DST: variants seen among roughly 807,000 people sequenced by gnomAD.
DST encodes the protein dystonin, also known as bullous pemphigoid antigen.
Under a neutral mutation model 875.2 loss-of-function variants are expected in DST, and 253 were observed. The observed-to-expected ratio is 0.29, with a 90% CI of 0.26 to 0.32. The LOEUF (loss-of-function observed/expected upper bound fraction) is 0.32. Ranked by LOEUF, DST falls within the 10% of genes least tolerant of loss-of-function variation. The pLI is 1.00. For synonymous variants in DST, 3,124 were observed against 3,197.1 expected (o/e 0.98, Z 0.77); for missense variants, 8,287 against 9,111.6 (o/e 0.91, Z 3.68).
At chr6:56,751,314 G>C (rs1427503160) in intron 4 of DST, among the ~76,000 whole-genome samples, 2 of 152,078 alleles carry the variant, frequency 1.3e-5, no homozygotes, top group Non-Finnish European at 2.9e-5. Context: ...AAAAATGCTT[G>C]GAAGTGCCTA....
At chr6:56,814,878 C>T (rs574498363) in intron 4 of DST, among the ~76,000 whole-genome samples, 120 of 152,268 alleles carry the variant, frequency 7.9e-4, no homozygotes, top group African/African-American at 2.8e-3. Context: ...GGTACTCCCA[C>T]CATGTTCCAA....
chr6:56,578,365 CCT>C (rs560935932), intron 50 of DST, among the ~76,000 whole-genome samples: 66 of 152,184 alleles, frequency 4.3e-4, no homozygotes, highest in Admixed American at 8.5e-4. Context: ...TAAAGTAACC[CCT>C]GTCTCTAAAA....
At chr6:56,629,188 T>A in intron 32 of DST, 62 bp downstream of exon 32, 1 of 1,524,320 alleles carries the variant, frequency 6.6e-7, no homozygotes, top group Non-Finnish European at 9.1e-7. Context: ...GTGTAGATTT[T>A]ACTCATTTAC....
chr6:56,602,740 A>G, intron 43 of DST, 142 bp downstream of exon 43: 2 of 575,914 alleles, frequency 3.5e-6, no homozygotes, highest in Non-Finnish European at 5.4e-6. Context: ...AGTTGTGTCA[A>G]CTATGAATAA....
At chr6:56,525,863 CT>C (rs1357060873) in intron 69 of DST, among the ~76,000 whole-genome samples, 3 of 152,152 alleles carry the variant, frequency 2.0e-5, no homozygotes, top group African/African-American at 4.8e-5. Flanking sequence ...AACCTATCAT[CT>C]TTTCCCCCCT....
At chr6:56,739,129 T>C in intron 4 of DST, among the ~76,000 whole-genome samples, 1 of 148,978 alleles carries the variant, frequency 6.7e-6, no homozygotes, top group Non-Finnish European at 1.5e-5. Context: ...AAAGCCTCTA[T>C]GCTGCAATGC....
chr6:56,698,329 A>ATT (rs70989725), intron 9 of DST, among the ~76,000 whole-genome samples: 1 of 144,134 alleles, frequency 6.9e-6, no homozygotes. Flanking sequence ...AAAAAAAAAA[A>ATT]TTTTTTTTTT....
At chr6:56,644,550 T>C (rs956971523) in intron 15 of DST, among the ~76,000 whole-genome samples, 1 of 152,132 alleles carries the variant, frequency 6.6e-6, no homozygotes, top group Non-Finnish European at 1.5e-5. Context: ...TTGGAGCTCA[T>C]ATCTGTGGAA....
intron 4 of DST, among the ~76,000 whole-genome samples, chr6:56,764,162 C>A (rs1183101393): frequency 1.3e-5 from 2 of 150,460 alleles, no homozygotes; most frequent in East Asian, 3.9e-4. Flanking sequence ...AGACATCAAC[C>A]CTGGTCTGAC....
intron 87 of DST, 139 bp downstream of exon 87, chr6:56,486,965 T>C: frequency 1.5e-6 from 1 of 677,270 alleles, no homozygotes; most frequent in Non-Finnish European, 2.4e-6. Context: ...GTGCTATGTG[T>C]GTGGGATACT....
At chr6:56,626,918 C>A (rs116345686) in intron 34 of DST, among the ~76,000 whole-genome samples, 1,880 of 151,992 alleles carry the variant, frequency 0.012, 31 homozygotes, top group African/African-American at 0.043. Context: ...AATACCCTAA[C>A]AATGTTAAAG....
chr6:56,759,576 AT>A (rs1313434136), intron 4 of DST, among the ~76,000 whole-genome samples: 4 of 152,144 alleles, frequency 2.6e-5, no homozygotes, highest in Non-Finnish European at 5.9e-5. Context: ...CTGCTGGCAT[AT>A]TTTTTTCCAT....
In DST at chr6:56,526,467, C is replaced by T. The variant is rs746414483; in HGVS notation, c.18023G>A (p.Gly6008Glu). ...GTCCTCAGCTACCATTTTCTCAAGT[C>T]CTTCTCTTGCCCTCCATGGTACCAG... is the stretch of plus-strand genomic sequence containing the variant. ...LELVPWRARE[G>E]LEKMVAEDNE... The change falls in exon 69 of 104, where the codon GGA becomes GAA. Residue 6008 changes from glycine to glutamate, a missense_variant. Gly to Glu is a moderately conservative substitution (Grantham distance 98, BLOSUM62 -2). This residue lies in a region of DST where 777 missense variants were observed against 764.8 expected (regional missense o/e 1.02). Transcript: ENST00000680361. The T allele has an allele frequency of 8.3e-5, 134 of 1,613,756 alleles. 2 individuals are homozygous for T. In the South Asian group the frequency reaches 1.3e-3, roughly 15 times the overall value.
intron 4 of DST, among the ~76,000 whole-genome samples, chr6:56,765,404 A>G (rs1357083432): frequency 6.6e-6 from 1 of 152,244 alleles, no homozygotes; most frequent in African/African-American, 2.4e-5. Flanking sequence ...TTCTAGAATC[A>G]TAAGAAGTCA....
Position 56,604,272 on chromosome 6 carries a change from A to T in DST, c.10356T>A (p.Asp3452Glu). 1 of 1,611,886 alleles carries T rather than the reference A, an allele frequency of 6.2e-7. No homozygotes were observed. Among genetic ancestry groups the T allele is most frequent in the Non-Finnish European group, 8.5e-7 (1 of 1,178,880 alleles). Residue 3452 changes from aspartate (D) to glutamate (E), a missense_variant, in exon 40 of 104, where the codon GAT becomes GAA. By Grantham distance (45) the Asp-to-Glu change is conservative. Coordinates refer to ENST00000680361, the MANE Select transcript of DST (RefSeq NM_001374736.1). ...SELLLNILKQ[D>E]QHSQKITGVF... ...CTCCTGTAATTTTTTGGCTATGTTG[A>T]TCTTGCTTCAATATATTAAGGAGAA...
At chr6:56,927,989 G>A (rs140193204) in intron 2 of DST, among the ~76,000 whole-genome samples, 3 of 152,226 alleles carry the variant, frequency 2.0e-5, no homozygotes, top group African/African-American at 4.8e-5. Context: ...CAAAGCTGGG[G>A]CTCAGACCTG....
At position 56,710,302 on chromosome 6, in the gene DST, G is replaced by A. The variant is rs17757970; in HGVS notation, c.688-5933C>T. Among the ~76,000 whole-genome samples the A allele has an allele frequency of 6.8e-3, 1,029 of 152,156 alleles. 18 individuals carry two copies. Among genetic ancestry groups the A allele is most frequent in the East Asian group, 0.054 (281 of 5,178 alleles). On this transcript the variant is annotated intron_variant, in intron 5 of 103. Coordinates refer to ENST00000680361, the MANE Select transcript of DST (RefSeq NM_001374736.1). ...GGAGCAAAACATCAGCCACATAAAG[G>A]GTTCACAGTCCGCTCTTAAAGAAGT...
chr6:56,841,842 TAC>T (rs113928816), intron 4 of DST, among the ~76,000 whole-genome samples: 29,704 of 149,896 alleles, frequency 0.2, 3,313 homozygotes, highest in African/African-American at 0.29. Context: ...CCCACCCACA[TAC>T]ACACACACAC....
At chr6:56,728,580 G>A (rs1329028483) in intron 5 of DST, among the ~76,000 whole-genome samples, 1 of 152,104 alleles carries the variant, frequency 6.6e-6, no homozygotes, top group African/African-American at 2.4e-5. Context: ...GGAGGCTGAG[G>A]CACAAGAATC....
Sources: allele counts gnomAD v4.1 joint callset (sites outside exome capture counted in the v4.1 genomes callset), GRCh38; gene constraint gnomAD v4.1.1; regional missense constraint gnomAD v4.1.1; transcripts MANE v1.5; gene names NCBI Gene and HGNC (gene_info 2026-07-23, HGNC 2026-07-21).